The following POLR1A variants were observed in gnomAD, a reference collection of about 807,000 sequenced individuals.
POLR1A encodes DNA-directed RNA polymerase I subunit RPA1.
A neutral mutation model predicts 205.3 loss-of-function variants in POLR1A; 84 were observed. That is an observed-to-expected ratio of 0.41 (90% CI 0.34 to 0.49). The LOEUF (loss-of-function observed/expected upper bound fraction) is 0.49, where lower values mean the gene tolerates loss of function less well. POLR1A is among the 20% of genes least tolerant of loss of function. The probability of loss-of-function intolerance (pLI) is 0.22; values close to 1 mark genes in which losing one functional copy is unlikely to be tolerated. For missense variants in POLR1A, 1,645 were observed against 2,204.5 expected, an observed-to-expected ratio of 0.75 and a Z score of 5.08; for synonymous variants, 799 against 863.7, an observed-to-expected ratio of 0.93 and a Z score of 1.31.
In POLR1A at chr2:86,023,182, T is replaced by C. The variant is rs1690182801; in HGVS notation, c.*4241A>G. ...TTTTTGACTGTAGCTATTTTGGTGG[T>C]TGTAATTGAAGTAAAACTGCACCAG... is the stretch of plus-strand genomic sequence containing the variant. On this transcript the variant is annotated 3_prime_UTR_variant, in exon 34 of 34. Coordinates refer to ENST00000263857, the MANE Select transcript of POLR1A (RefSeq NM_015425.6). 6.6e-6 allele frequency: 1 copy of C among 152,198 alleles called. No individual in the cohort carries two copies. The highest frequency in any genetic ancestry group is 2.1e-4 in the South Asian group (1 of 4,830). 9.4% of individuals were successfully genotyped at this position (152,198 alleles called of 1,614,324 possible).
At chr2:86,045,960 T>C (rs1484097454) in intron 19 of POLR1A, among the ~76,000 whole-genome samples, 191 bp from the exon 20 acceptor site, 2 of 152,230 alleles carry the variant, frequency 1.3e-5, no homozygotes, top group Admixed American at 6.5e-5. Flanking sequence ...CTTCCTTTGG[T>C]TGACTGATCT....
Position 86,088,675 on chromosome 2 carries a change from C to G in POLR1A, c.627-6G>C. On this transcript the variant is annotated splice_polypyrimidine_tract_variant and splice_region_variant and intron_variant, in intron 5 of 33. Coordinates refer to ENST00000263857, the MANE Select transcript of POLR1A (RefSeq NM_015425.6). ...GGACAACGGATCGCCCGGTCCTGTG[C>G]AGGAGGACAGTTGTGATTGAAGAGA... 4 of 1,611,642 alleles carry G rather than the reference C, an allele frequency of 2.5e-6. No individual in the cohort carries two copies. Among genetic ancestry groups the G allele is most frequent in the Non-Finnish European group, 3.4e-6 (4 of 1,177,714 alleles).
intron 27 of POLR1A, among the ~76,000 whole-genome samples, chr2:86,037,612 T>A (rs903262516): frequency 6.6e-6 from 1 of 152,238 alleles, no homozygotes. Context: ...TCTGAGCAGC[T>A]CCCAGAAGAC....
chr2:86,057,871 A>G (rs1044611818), intron 14 of POLR1A, among the ~76,000 whole-genome samples: 1 of 152,184 alleles, frequency 6.6e-6, no homozygotes, highest in Admixed American at 6.5e-5. Flanking sequence ...CTGGCATTAC[A>G]GTGTGGTGAT....
chr2:86,065,556 A>G, intron 13 of POLR1A, 91 bp from the exon 14 acceptor site: 2 of 1,069,324 alleles, frequency 1.9e-6, no homozygotes, highest in Non-Finnish European at 2.8e-6. Flanking sequence ...GCCACTTTCT[A>G]TCAAGAGCCC....
At chr2:86,042,930 G>A (rs745992617) in intron 23 of POLR1A, 44 bp downstream of exon 23, 13 of 1,418,458 alleles carry the variant, frequency 9.2e-6, no homozygotes, top group Admixed American at 3.3e-5. Context: ...CACTGACTAA[G>A]CCTGGACGTG....
In POLR1A at chr2:86,025,666, C is replaced by G. The variant is rs1435539382; in HGVS notation, c.*1757G>C. ...GGGCTTGCTCCTTCGCCTCTGCGCC[C>G]TCAGTGCCTGGGAGAGATGGAATCC... On this transcript the variant is annotated 3_prime_UTR_variant, in exon 34 of 34. Coordinates refer to ENST00000263857, the MANE Select transcript of POLR1A (RefSeq NM_015425.6). The G allele has an allele frequency of 6.6e-6, 1 of 152,330 alleles. No individual in the cohort carries two copies. The highest frequency in any genetic ancestry group is 1.5e-5 in the Non-Finnish European group (1 of 68,086). 9.4% of individuals were successfully genotyped at this position (152,330 alleles called of 1,614,324 possible). A position where few individuals can be genotyped will look rare whatever the true frequency, so the allele number is the denominator to read the frequency against.
chr2:86,041,138 G>A (rs896365039), intron 24 of POLR1A, among the ~76,000 whole-genome samples: 2 of 149,500 alleles, frequency 1.3e-5, no homozygotes, highest in African/African-American at 2.5e-5. Flanking sequence ...CACTAGGAGC[G>A]CTGAGCTACA....
chr2:86,076,998 G>C (rs1203159761), intron 11 of POLR1A, among the ~76,000 whole-genome samples: 3 of 152,184 alleles, frequency 2.0e-5, no homozygotes, highest in Admixed American at 1.3e-4. Flanking sequence ...GCTGTCTCCT[G>C]ACACATCACG....
Position 86,028,897 on chromosome 2 carries a change from C to T in POLR1A, c.4780-186G>A, listed in dbSNP as rs370442255. 4.8e-5 allele frequency: 28 copies of T among 578,050 alleles called. No homozygotes were observed. The highest frequency in any genetic ancestry group is 4.1e-4 in the African/African-American group (22 of 53,750). The allele number at this position is 578,050 out of a possible 1,614,324, so 35.8% of individuals were successfully genotyped here. A position where few individuals can be genotyped will look rare whatever the true frequency, so the allele number is the denominator to read the frequency against. On this transcript the variant is annotated intron_variant, in intron 31 of 33. Coordinates refer to ENST00000263857, the MANE Select transcript of POLR1A (RefSeq NM_015425.6). The surrounding 1 kb of genome is among the most constrained non-coding windows in gnomAD (Gnocchi z 4.5). ...TGGCTAGGCAGAGCTGCTGACGGCT[C>T]GCTGGCCGGGGCCCAAGGTCTGTAT...
At position 86,099,989 on chromosome 2, in the gene POLR1A, C is replaced by T. The variant is rs749678311; in HGVS notation, c.261G>A (p.Val87=). The change falls in exon 2 of 34, where the codon GTG becomes GTA. Residue 87 remains valine (V), a synonymous_variant. Transcript: ENST00000263857. Reference sequence around the variant, plus strand: ...TTACATCGAAGAGGAGAGGGTTATACACTGTGAGTGGGAGCTCAATGTGGC... The same window carrying T: ...TTACATCGAAGAGGAGAGGGTTATATACTGTGAGTGGGAGCTCAATGTGGC... ...HLGHIELPLT[V]YNPLLFDKLY... 12 of 1,614,038 alleles carry T rather than the reference C, an allele frequency of 7.4e-6. No homozygotes were observed. The highest frequency in any genetic ancestry group is 1.3e-5 in the African/African-American group (1 of 75,038).
At chr2:86,036,445 T>A (rs1216368086) in intron 27 of POLR1A, among the ~76,000 whole-genome samples, 2 of 150,920 alleles carry the variant, frequency 1.3e-5, no homozygotes, top group Non-Finnish European at 2.9e-5. Context: ...CTGTCAAGGG[T>A]CTCATGACTC....
At chr2:86,089,506 T>TG (rs1207240293) in intron 4 of POLR1A, among the ~76,000 whole-genome samples, 2 of 152,124 alleles carry the variant, frequency 1.3e-5, no homozygotes, top group Non-Finnish European at 2.9e-5. Flanking sequence ...AAGGTAGCAG[T>TG]GGGTTAGAGA....
Position 86,052,996 on chromosome 2 carries a change from A to G in POLR1A, c.2213T>C (p.Ile738Thr), listed in dbSNP as rs759055103. Residue 738 changes from isoleucine (I) to threonine (T), a missense_variant, in exon 16 of 34, where the codon ATC becomes ACC. Ile to Thr is a moderately conservative substitution (Grantham distance 89). This residue lies in a region of POLR1A where 339 missense variants were observed against 415.1 expected (regional missense o/e 0.82). Transcript: ENST00000263857. Reference sequence around the variant, plus strand: ...GCAGAGCAGCTCCCCTTCCCTGATGATCACCTGCAGAGGGCAAGGCCACCA... The same window carrying G: ...GCAGAGCAGCTCCCCTTCCCTGATGGTCACCTGCAGAGGGCAAGGCCACCA... ...NPDSMCESQV[I>T]IREGELLCGV... The G allele has an allele frequency of 4.4e-6, 7 of 1,578,680 alleles. No individual in the cohort carries two copies. The African/African-American group carries it at 6.8e-5, about 15-fold the overall frequency.
chr2:86,083,172 G>C lies in POLR1A; in HGVS notation c.731-4C>G. ...CCTATCTGAGCTTCCTCAATTCCTG[G>C]AGCCAAGGAGGAGAATCAAAGTGCA... On this transcript the variant is annotated splice_region_variant and splice_polypyrimidine_tract_variant and intron_variant, in intron 6 of 33. Transcript: ENST00000263857. 6.2e-7 allele frequency: 1 copy of C among 1,607,526 alleles called. No homozygotes were observed. Among genetic ancestry groups the C allele is most frequent in the South Asian group, 1.1e-5 (1 of 90,922 alleles).
rs1219135807 is a variant in POLR1A, at chr2:86,101,095, T to TA, written c.78-924dup. ...ACATTAAACACATTTAGTCAAACCT[T>TA]AAAAAAGGTTTCATCACATTTTATG... is the stretch of plus-strand genomic sequence containing the variant. On this transcript the variant is annotated intron_variant, in intron 1 of 33. Coordinates refer to ENST00000263857, the MANE Select transcript of POLR1A (RefSeq NM_015425.6). 3.3e-5 allele frequency among the ~76,000 whole-genome samples: 5 copies of TA among 152,306 alleles called. No homozygotes were observed. The East Asian group carries it at 5.8e-4, about 18-fold the overall frequency.
chr2:86,093,734 G>A (rs1007999643), intron 3 of POLR1A, among the ~76,000 whole-genome samples: 3 of 152,168 alleles, frequency 2.0e-5, no homozygotes, highest in African/African-American at 7.2e-5. Flanking sequence ...TGAGGCTGAG[G>A]TGGGAGATCG....
chr2:86,073,185 C>T (rs6750765), intron 12 of POLR1A, among the ~76,000 whole-genome samples: 8,639 of 141,210 alleles, frequency 0.061, 367 homozygotes, highest in East Asian at 0.24. Flanking sequence ...GGAGACAGAG[C>T]GAGACCTTGT....
intron 14 of POLR1A, among the ~76,000 whole-genome samples, chr2:86,058,352 G>T (rs1672936579): frequency 6.6e-6 from 1 of 150,516 alleles, no homozygotes; most frequent in Non-Finnish European, 1.5e-5. Flanking sequence ...GGCCGCCTTG[G>T]CCTCCCAAAG....
Sources: allele counts gnomAD v4.1 joint callset (sites outside exome capture counted in the v4.1 genomes callset), GRCh38; gene constraint gnomAD v4.1.1; regional missense constraint gnomAD v4.1.1; non-coding constraint Gnocchi (gnomAD v3.1); transcripts MANE v1.5; gene names NCBI Gene and HGNC (gene_info 2026-07-23, HGNC 2026-07-21).